Variants in SLC26A5 observed in about 807,000 individuals in gnomAD.
The protein encoded by SLC26A5 is solute carrier family 26 member 5.
SLC26A5 carries 51 observed loss-of-function variants against 81.0 expected under a neutral mutation model. The ratio of observed to expected loss-of-function variants is 0.63; its 90% confidence interval spans 0.50 to 0.80. The LOEUF (loss-of-function observed/expected upper bound fraction) is 0.80, where lower values mean the gene tolerates loss of function less well. SLC26A5 is among the 30% of genes least tolerant of loss of function. The pLI is 0.00. For missense variants in SLC26A5, 771 were observed against 905.8 expected (o/e 0.85, Z 1.91); for synonymous variants, 325 against 332.8 (o/e 0.98, Z 0.25).
Position 103,397,172 on chromosome 7 carries a change from T to G in SLC26A5, c.971+760A>C, listed in dbSNP as rs183733435. On this transcript the variant is annotated intron_variant, in intron 9 of 19. Transcript: ENST00000306312. ...CCAGCACTCCAGCACTTTGGGAAGC[T>G]GAGGCGGGCGGATCACCTGAGGTCA... 3.9e-3 allele frequency among the ~76,000 whole-genome samples: 585 copies of G among 150,098 alleles called. 4 individuals are homozygous for G. The highest frequency in any genetic ancestry group is 6.7e-3 in the Non-Finnish European group (455 of 67,748).
At chr7:103,411,338 A>G (rs1181548821) in intron 6 of SLC26A5, 82 bp downstream of exon 6, 3 of 1,543,000 alleles carry the variant, frequency 1.9e-6, no homozygotes, top group African/African-American at 1.4e-5. Flanking sequence ...TCCACCGTGT[A>G]GTAAGACCAG....
In SLC26A5 at chr7:103,379,255, T is replaced by C. The variant is rs909205152; in HGVS notation, c.1665A>G (p.Ala555=). Residue 555 remains alanine (A), a synonymous_variant, in exon 16 of 20, where the codon GCA becomes GCG. Transcript: ENST00000306312. ...YYANSDLYSN[A]LKRKTGVNPA... ...TCTCATGACTCACCTTTCGTTTTAA[T>C]GCATTGCTATACAAGTCGCTATTTG... 1.9e-6 allele frequency: 3 copies of C among 1,608,528 alleles called. No individual in the cohort carries two copies. Among genetic ancestry groups the C allele is most frequent in the Admixed American group, 1.7e-5 (1 of 60,004 alleles).
chr7:103,377,711 A>T lies in SLC26A5; in HGVS notation c.1874T>A (p.Phe625Tyr), dbSNP rs372586409. 9.9e-6 allele frequency: 16 copies of T among 1,614,116 alleles called. No individual in the cohort carries two copies. In the East Asian group the frequency reaches 2.0e-4, roughly 20 times the overall value. ...CATAAATCTTTGCATTTCCTCAGGA[A>T]ATGTGCTTTTGATCACTATTGGGGG... Reference protein sequence around the residue: ...KYPPIVIKSTFPEEMQRFMPP... With the variant: ...KYPPIVIKSTYPEEMQRFMPP... Residue 625 changes from phenylalanine (F) to tyrosine (Y), a missense_variant, in exon 18 of 20, where the codon TTT (phenylalanine) becomes TAT (tyrosine). Coordinates refer to ENST00000306312, the MANE Select transcript of SLC26A5 (RefSeq NM_198999.3).
At chr7:103,381,852 CCA>C (rs888662511) in intron 14 of SLC26A5, among the ~76,000 whole-genome samples, 22 of 151,178 alleles carry the variant, frequency 1.5e-4, no homozygotes, top group South Asian at 1.0e-3. Context: ...TGCATATACA[CCA>C]CACACACAAC....
chr7:103,393,026 G>C lies in SLC26A5; in HGVS notation c.1012C>G (p.Leu338Val), dbSNP rs769882421. 1.2e-6 allele frequency: 2 copies of C among 1,613,996 alleles called. No homozygotes were observed. The highest frequency in any genetic ancestry group is 4.5e-5 in the East Asian group (2 of 44,878). ...ATGGCAATGGCATCTACGTACACAA[G>C]GTGGAAGAGGCTGGTGTCCGGATTG... ...PANPDTSLFH[L>V]VYVDAIAIAI... The change falls in exon 10 of 20, where the codon CTT (leucine) becomes GTT (valine). Residue 338 changes from leucine to valine, a missense_variant. Coordinates refer to ENST00000306312, the MANE Select transcript of SLC26A5 (RefSeq NM_198999.3).
At chr7:103,401,293 A>G (rs202211278) in intron 8 of SLC26A5, among the ~76,000 whole-genome samples, 5 of 152,070 alleles carry the variant, frequency 3.3e-5, no homozygotes, top group Non-Finnish European at 7.4e-5. Flanking sequence ...CACATCCCTT[A>G]TAAGTTGTAT....
rs577451850 is a variant in SLC26A5 at position 103,435,198 on chromosome 7, C to T, written c.-54+7885G>A. ...TGATTGCTCTTTCTGAATAACATCA[C>T]GCTTTTGTTGTGTGGAAACAACAAC... On this transcript the variant is annotated intron_variant, in intron 2 of 19. Transcript: ENST00000306312. 5.3e-5 allele frequency: 8 copies of T among 152,228 alleles called. No individual in the cohort carries two copies. In the South Asian group the frequency reaches 1.5e-3, roughly 28 times the overall value. 9.4% of individuals were successfully genotyped at this position (152,228 alleles called of 1,614,324 possible).
At position 103,412,892 on chromosome 7, in the gene SLC26A5, A is replaced by G. The variant is rs570061607; in HGVS notation, c.403+110T>C. ...AGCACCTATTGTGTATGCAGTAACA[A>G]AAGTTGTTATTAAGACAATTTTTAA... On this transcript the variant is annotated intron_variant, in intron 5 of 19. Transcript: ENST00000306312. 4.8e-5 allele frequency: 41 copies of G among 847,122 alleles called. No homozygotes were observed. The South Asian group carries it at 5.7e-4, about 12-fold the overall frequency. The allele number at this position is 847,122 out of a possible 1,614,324, so 52.5% of individuals were successfully genotyped here.
At chr7:103,373,789 A>G (rs1015959240), downstream of SLC26A5, among the ~76,000 whole-genome samples, 16 of 152,282 alleles carry the variant, frequency 1.1e-4, no homozygotes, top group Non-Finnish European at 1.9e-4. Context: ...TAAAAATGTA[A>G]ATGTATATGT....
chr7:103,409,230 G>A (rs1462832829), intron 7 of SLC26A5, among the ~76,000 whole-genome samples: 1 of 152,186 alleles, frequency 6.6e-6, no homozygotes, highest in Non-Finnish European at 1.5e-5. Context: ...AGCTCCAGAG[G>A]GCAAGGCCTG....
At chr7:103,410,656 T>G in intron 6 of SLC26A5, 107 bp from the exon 7 acceptor site, 2 of 1,043,046 alleles carry the variant, frequency 1.9e-6, no homozygotes, top group South Asian at 2.8e-5. Flanking sequence ...CTTTTTTTTT[T>G]GAGATGGAGT....
chr7:103,421,389 A>G lies in SLC26A5; in HGVS notation c.126T>C (p.Ile42=), dbSNP rs1825337349. Residue 42 remains isoleucine (I), a synonymous_variant, in exon 3 of 20, where the codon ATT becomes ATC. Transcript: ENST00000306312. The stretch of plus-strand genomic sequence containing the variant: ...TGAATGCCTGTTTCAGCTTATCCGC[A>G]ATGGAATCAGGAACCTTGTCCTTTG... ...LHTKDKVPDS[I]ADKLKQAFTC... The G allele has an allele frequency of 6.2e-7, 1 of 1,613,950 alleles. No individual in the cohort carries two copies. The highest frequency in any genetic ancestry group is 8.5e-7 in the Non-Finnish European group (1 of 1,179,980).
At chr7:103,409,388 T>G (rs1344691504) in intron 7 of SLC26A5, among the ~76,000 whole-genome samples, 2 of 152,280 alleles carry the variant, frequency 1.3e-5, no homozygotes, top group Non-Finnish European at 1.5e-5. Context: ...CAATTAATTC[T>G]AATTATTTCC....
At chr7:103,427,898 G>C (rs1825813961) in intron 2 of SLC26A5, among the ~76,000 whole-genome samples, 1 of 150,250 alleles carries the variant, frequency 6.7e-6, no homozygotes. Context: ...TGTCGCCCAG[G>C]CTGGAGTGCA....
At chr7:103,390,834 A>G (rs1822581094) in intron 11 of SLC26A5, among the ~76,000 whole-genome samples, 1 of 150,468 alleles carries the variant, frequency 6.6e-6, no homozygotes, top group Admixed American at 6.6e-5. Context: ...GCTGTCCAAT[A>G]TGGGAGCCAG....
At chr7:103,379,883 G>T (rs1821646365) in intron 15 of SLC26A5, among the ~76,000 whole-genome samples, 1 of 152,092 alleles carries the variant, frequency 6.6e-6, no homozygotes, top group Non-Finnish European at 1.5e-5. Flanking sequence ...TTGGATCGAG[G>T]AAAAATATAG....
At chr7:103,357,370 C>CA (rs1237476490) in intron 19 of SLC26A5, among the ~76,000 whole-genome samples, 1 of 150,286 alleles carries the variant, frequency 6.7e-6, no homozygotes, top group African/African-American at 2.4e-5. Flanking sequence ...TAAATAATAA[C>CA]AACTGTATTT....
rs867337188 is a variant in SLC26A5, at chr7:103,421,855, C to T, written c.-53-288G>A. On this transcript the variant is annotated intron_variant, in intron 2 of 19. Coordinates refer to ENST00000306312, the MANE Select transcript of SLC26A5 (RefSeq NM_198999.3). ...AATACTAGTCAGTTCCCTCTAGGTC[C>T]ACATAAGAGGAATTGCAAATTAGGT... Among the ~76,000 whole-genome samples the T allele has an allele frequency of 3.3e-4, 50 of 152,250 alleles. 1 individual carries two copies. The highest frequency in any genetic ancestry group is 1.2e-3 in the African/African-American group (49 of 41,546).
At chr7:103,445,582 C>CGGAG (rs1454237531) in intron 1 of SLC26A5, 1 of 152,204 alleles carries the variant, frequency 6.6e-6, no homozygotes, top group Non-Finnish European at 1.5e-5. Context: ...CGGCGCTGAG[C>CGGAG]GGAGGGCCCA....
Sources: gnomAD v4.1 joint callset for allele counts (sites outside exome capture counted in the v4.1 genomes callset) on GRCh38, gnomAD v4.1.1 for gene constraint, MANE v1.5 for transcripts, NCBI Gene and HGNC (gene_info 2026-07-23, HGNC 2026-07-21) for gene names.